Variants in GUCY1A2 observed in about 807,000 individuals in gnomAD.
The protein encoded by GUCY1A2 is guanylate cyclase soluble subunit alpha-2.
GUCY1A2 carries 27 observed loss-of-function variants against 63.5 expected under a neutral mutation model. That is an observed-to-expected ratio of 0.43 (90% CI 0.31 to 0.59). The LOEUF (loss-of-function observed/expected upper bound fraction) is 0.59. Ranked by LOEUF, GUCY1A2 falls within the 20% of genes least tolerant of loss-of-function variation. The probability of loss-of-function intolerance (pLI) is 0.11; values close to 1 mark genes in which losing one functional copy is unlikely to be tolerated. For missense variants in GUCY1A2, 768 were observed against 913.3 expected (o/e 0.84, Z 2.05); for synonymous variants, 364 against 343.5 (o/e 1.06, Z -0.66).
At position 106,981,477 on chromosome 11, in the gene GUCY1A2, C is replaced by CAAAA. The variant is rs61474144; in HGVS notation, c.366-2741_366-2738dup. 8.0e-3 allele frequency among the ~76,000 whole-genome samples: 1,048 copies of CAAAA among 130,734 alleles called. 9 individuals carry two copies. Among genetic ancestry groups the CAAAA allele is most frequent in the African/African-American group, 0.027 (969 of 36,070 alleles). 85.8% of individuals were successfully genotyped at this position (130,734 alleles called of 152,430 possible). ...ATTAACACAGCAATGCTTATTCTGG[C>CAAAA]AAAAAAAAAAAAAAAGATAAAATTA... On this transcript the variant is annotated intron_variant, in intron 2 of 7. Transcript: ENST00000526355.
chr11:106,849,227 T>C (rs1224028106), intron 4 of GUCY1A2, among the ~76,000 whole-genome samples: 1 of 151,552 alleles, frequency 6.6e-6, no homozygotes, highest in African/African-American at 2.4e-5. Flanking sequence ...ACTTATTAAT[T>C]AGCTCATATA....
At chr11:106,829,320 C>T (rs7929737) in intron 4 of GUCY1A2, among the ~76,000 whole-genome samples, 25,127 of 152,036 alleles carry the variant, frequency 0.17, 2,491 homozygotes, top group East Asian at 0.28. Context: ...CTGATTGGGG[C>T]CTGTCTCACT....
chr11:106,958,446 T>TA (rs1478834248), intron 3 of GUCY1A2, among the ~76,000 whole-genome samples: 1 of 152,210 alleles, frequency 6.6e-6, no homozygotes, highest in East Asian at 1.9e-4. Flanking sequence ...AGTTCTAATA[T>TA]ACCCTCATAT....
chr11:106,947,597 CA>C (rs1208004612), intron 3 of GUCY1A2, among the ~76,000 whole-genome samples: 1 of 151,836 alleles, frequency 6.6e-6, no homozygotes, highest in Non-Finnish European at 1.5e-5. Context: ...AAAAATTGCT[CA>C]AATACTTGAT....
At chr11:106,754,484 C>T (rs1167616384) in intron 6 of GUCY1A2, among the ~76,000 whole-genome samples, 1 of 152,150 alleles carries the variant, frequency 6.6e-6, no homozygotes, top group East Asian at 1.9e-4. Context: ...ATGATATTGG[C>T]TGTGGGTCTG....
At chr11:106,800,705 A>G (rs555901418) in intron 5 of GUCY1A2, among the ~76,000 whole-genome samples, 1 of 152,198 alleles carries the variant, frequency 6.6e-6, no homozygotes, top group South Asian at 2.1e-4. Context: ...ACTTGGACAC[A>G]GGAAGGGGAA....
intron 4 of GUCY1A2, among the ~76,000 whole-genome samples, chr11:106,843,976 G>T (rs1859236852): frequency 6.6e-6 from 1 of 151,918 alleles, no homozygotes; most frequent in East Asian, 1.9e-4. Flanking sequence ...TCAGCATCTT[G>T]TCATATCATT....
At chr11:106,959,471 T>C (rs1409211273) in intron 3 of GUCY1A2, among the ~76,000 whole-genome samples, 1 of 152,206 alleles carries the variant, frequency 6.6e-6, no homozygotes, top group Admixed American at 6.5e-5. Flanking sequence ...ACTTTATGTA[T>C]AAAGTTTTCT....
At chr11:106,777,563 A>G (rs1864380469) in intron 5 of GUCY1A2, among the ~76,000 whole-genome samples, 1 of 151,860 alleles carries the variant, frequency 6.6e-6, no homozygotes, top group Non-Finnish European at 1.5e-5. Context: ...CATTGTTCTC[A>G]GCAAACTAAC....
chr11:106,684,949 A>T lies in GUCY1A2; in HGVS notation c.*2600T>A, dbSNP rs1197186603. ...CATTGTGTAGGACAAATAAAAATAT[A>T]ATTTTTTCTCCATCTTCTAACTTCT... On this transcript the variant is annotated 3_prime_UTR_variant, in exon 8 of 8. Coordinates refer to ENST00000526355, the MANE Select transcript of GUCY1A2 (RefSeq NM_000855.3). The T allele has an allele frequency of 9.8e-6, 2 of 203,066 alleles. No homozygotes were observed. The highest frequency in any genetic ancestry group is 4.6e-5 in the African/African-American group (2 of 43,680). 12.6% of individuals were successfully genotyped at this position (203,066 alleles called of 1,614,324 possible).
chr11:106,799,020 T>C (rs1864820223), intron 5 of GUCY1A2, among the ~76,000 whole-genome samples: 1 of 152,164 alleles, frequency 6.6e-6, no homozygotes, highest in African/African-American at 2.4e-5. Flanking sequence ...AACCCCATTG[T>C]CTCAGCCCCA....
At chr11:106,690,520 G>A (rs1360002228) in intron 7 of GUCY1A2, among the ~76,000 whole-genome samples, 1 of 152,126 alleles carries the variant, frequency 6.6e-6, no homozygotes, top group African/African-American at 2.4e-5. Context: ...GGAGCCTTTT[G>A]GAGGGTGGAG....
chr11:106,731,127 GTTGCAA>G (rs1414519022), intron 6 of GUCY1A2, among the ~76,000 whole-genome samples: 1 of 151,880 alleles, frequency 6.6e-6, no homozygotes, highest in African/African-American at 2.4e-5. Flanking sequence ...TTTTGGTTTC[GTTGCAA>G]TTGTTTTTGG....
chr11:106,951,633 G>A (rs1860910597), intron 3 of GUCY1A2, among the ~76,000 whole-genome samples: 1 of 152,076 alleles, frequency 6.6e-6, no homozygotes, highest in Non-Finnish European at 1.5e-5. Flanking sequence ...GGTAAATTCT[G>A]GATATTAGCC....
At chr11:106,919,627 A>C (rs1291878619) in intron 4 of GUCY1A2, among the ~76,000 whole-genome samples, 1 of 152,170 alleles carries the variant, frequency 6.6e-6, no homozygotes, top group Non-Finnish European at 1.5e-5. Context: ...AAGGAAATCA[A>C]ATATCAGTTG....
At chr11:106,882,003 A>G (rs1300108670) in intron 4 of GUCY1A2, among the ~76,000 whole-genome samples, 1 of 152,002 alleles carries the variant, frequency 6.6e-6, no homozygotes, top group Non-Finnish European at 1.5e-5. Flanking sequence ...GGCTTCTAGC[A>G]TGATGAGTAA....
chr11:106,905,957 C>T (rs1047627970), intron 4 of GUCY1A2, among the ~76,000 whole-genome samples: 1 of 151,974 alleles, frequency 6.6e-6, no homozygotes, highest in Non-Finnish European at 1.5e-5. Flanking sequence ...ATGGATTAAA[C>T]ACTTAAACGT....
At chr11:106,936,251 C>A (rs1229160193) in intron 4 of GUCY1A2, among the ~76,000 whole-genome samples, 2 of 152,184 alleles carry the variant, frequency 1.3e-5, no homozygotes, top group African/African-American at 4.8e-5. Flanking sequence ...AAAAAAAATT[C>A]ATCTCAAATT....
At chr11:106,943,627 C>A (rs370303379) in intron 3 of GUCY1A2, among the ~76,000 whole-genome samples, 1 of 152,288 alleles carries the variant, frequency 6.6e-6, no homozygotes, top group East Asian at 1.9e-4. Flanking sequence ...CTATCACTGG[C>A]ATAATGCCTG....
Sources: gnomAD v4.1 joint callset for allele counts (sites outside exome capture counted in the v4.1 genomes callset) on GRCh38, gnomAD v4.1.1 for gene constraint, MANE v1.5 for transcripts, NCBI Gene and HGNC (gene_info 2026-07-23, HGNC 2026-07-21) for gene names.